SNTB2: variants seen among roughly 807,000 people sequenced by gnomAD.
The protein encoded by SNTB2 is syntrophin beta 2.
A neutral mutation model predicts 46.2 loss-of-function variants in SNTB2; 34 were observed. That is an observed-to-expected ratio of 0.74 (90% CI 0.56 to 0.98). SNTB2 has a LOEUF of 0.98. Among genes scored for constraint, SNTB2 ranks in the 50% least tolerant of loss-of-function variants. The pLI is 0.00. For missense variants in SNTB2, 603 were observed against 731.4 expected, an observed-to-expected ratio of 0.82 and a Z score of 2.02; for synonymous variants, 290 against 312.6, an observed-to-expected ratio of 0.93 and a Z score of 0.76.
At chr16:69,235,169 G>A in intron 1 of SNTB2, among the ~76,000 whole-genome samples, 1 of 151,412 alleles carries the variant, frequency 6.6e-6, no homozygotes, top group East Asian at 1.9e-4. Context: ...ACGCCACCAT[G>A]CCCAGCTAAT....
chr16:69,268,864 C>CAA (rs1183716323), intron 3 of SNTB2, among the ~76,000 whole-genome samples: 1 of 143,844 alleles, frequency 7.0e-6, no homozygotes, highest in African/African-American at 2.6e-5. Flanking sequence ...GACTCCATCT[C>CAA]AAAAAAAAAA....
intron 5 of SNTB2, among the ~76,000 whole-genome samples, chr16:69,295,085 T>C (rs1013545621): frequency 6.6e-6 from 1 of 152,010 alleles, no homozygotes; most frequent in Non-Finnish European, 1.5e-5. Flanking sequence ...CCTCCCAAAG[T>C]ACTAGGATTA....
At chr16:69,286,829 C>G (rs1051464372) in intron 5 of SNTB2, among the ~76,000 whole-genome samples, 27 of 152,056 alleles carry the variant, frequency 1.8e-4, no homozygotes, top group African/African-American at 5.5e-4. Context: ...AATGATCAAG[C>G]CTGTGAATAG....
At chr16:69,226,771 T>TCCTTCTG (rs1401584192) in intron 1 of SNTB2, among the ~76,000 whole-genome samples, 1 of 152,192 alleles carries the variant, frequency 6.6e-6, no homozygotes, top group Non-Finnish European at 1.5e-5. Flanking sequence ...GCTCAAGCAA[T>TCCTTCTG]CCTTCTGCCT....
At chr16:69,214,742 G>A (rs1217672285) in intron 1 of SNTB2, among the ~76,000 whole-genome samples, 1 of 148,580 alleles carries the variant, frequency 6.7e-6, no homozygotes, top group Non-Finnish European at 1.5e-5. Context: ...GGCCAGGCTG[G>A]TCTGGAACTC....
At chr16:69,299,367 C>T (rs1027255109) in intron 5 of SNTB2, among the ~76,000 whole-genome samples, 5 of 152,044 alleles carry the variant, frequency 3.3e-5, no homozygotes, top group Non-Finnish European at 4.4e-5. Context: ...GGTCTCAAAC[C>T]CCTGACTTTG....
intron 5 of SNTB2, among the ~76,000 whole-genome samples, chr16:69,291,323 G>C (rs749659977): frequency 6.6e-6 from 1 of 152,122 alleles, no homozygotes; most frequent in South Asian, 2.1e-4. Flanking sequence ...GGGCCCCCCA[G>C]AGCCCCAGAA....
At chr16:69,256,958 T>G (rs1313679822) in intron 2 of SNTB2, among the ~76,000 whole-genome samples, 2 of 152,086 alleles carry the variant, frequency 1.3e-5, no homozygotes, top group Non-Finnish European at 2.9e-5. Context: ...TCACTTGAGG[T>G]CAGGAGTTCG....
chr16:69,236,610 G>C (rs539679064), intron 1 of SNTB2, among the ~76,000 whole-genome samples: 1 of 151,432 alleles, frequency 6.6e-6, no homozygotes, highest in South Asian at 2.1e-4. Flanking sequence ...TTAATGCACT[G>C]AACTGTACAT....
chr16:69,215,744 C>G (rs1964340582), intron 1 of SNTB2, among the ~76,000 whole-genome samples: 1 of 152,106 alleles, frequency 6.6e-6, no homozygotes, highest in Non-Finnish European at 1.5e-5. Context: ...TGCGCTTTAT[C>G]TCATTAACCC....
chr16:69,217,628 G>C (rs919866725), intron 1 of SNTB2, among the ~76,000 whole-genome samples: 1 of 152,172 alleles, frequency 6.6e-6, no homozygotes, highest in African/African-American at 2.4e-5. Flanking sequence ...TGGCTGCTGA[G>C]TAATCTATAC....
intron 1 of SNTB2, among the ~76,000 whole-genome samples, chr16:69,218,423 C>CT (rs574555246): frequency 1.4e-3 from 208 of 145,062 alleles, no homozygotes; most frequent in African/African-American, 1.4e-3. Flanking sequence ...TCTTCTTCTT[C>CT]TTTTTTTTTT....
rs765065288 is a variant in SNTB2 at position 69,284,051 on chromosome 16, G to A, written c.1152G>A (p.Leu384=). The change falls in exon 5 of 7, where the codon TTG becomes TTA. Residue 384 remains leucine, a synonymous_variant. Transcript: ENST00000336278. ...CHSYPLVATR[L]VHSGSGCRSP... Reference sequence around the variant, plus strand: ...TCTGCTCTGTTTGTGGTCCTAGGTTGGTTCATTCTGGCTCCGGATGTCGAT... The same window carrying A: ...TCTGCTCTGTTTGTGGTCCTAGGTTAGTTCATTCTGGCTCCGGATGTCGAT... 6.2e-7 allele frequency: 1 copy of A among 1,610,152 alleles called. No individual in the cohort carries two copies.
intron 2 of SNTB2, among the ~76,000 whole-genome samples, chr16:69,258,632 G>C (rs1305465842): frequency 9.3e-6 from 1 of 107,288 alleles, no homozygotes; most frequent in African/African-American, 3.6e-5. Context: ...TTTTTTTTGA[G>C]AGGGAGTCTC....
rs560361593 is a variant in SNTB2, at chr16:69,301,775, A to G, written c.*851A>G. On this transcript the variant is annotated 3_prime_UTR_variant, in exon 7 of 7. Transcript: ENST00000336278. ...AGCCATTTTTTTTATTGCTTACCAA[A>G]TGTGCCTTTGGTTAGGGTTAGTGGA... 32 of 152,750 alleles carry G rather than the reference A, an allele frequency of 2.1e-4. No homozygotes were observed. The highest frequency in any genetic ancestry group is 1.7e-3 in the Admixed American group (26 of 15,296). The allele number at this position is 152,750 out of a possible 1,614,324, so 9.5% of individuals were successfully genotyped here. A position where few individuals can be genotyped will look rare whatever the true frequency, so the allele number is the denominator to read the frequency against.
chr16:69,293,759 A>G lies in SNTB2; in HGVS notation c.1346-5831A>G, dbSNP rs548448330. Among the ~76,000 whole-genome samples, 49 of 152,240 alleles carry G rather than the reference A, an allele frequency of 3.2e-4. 1 individual carries two copies. Among genetic ancestry groups the G allele is most frequent in the African/African-American group, 1.2e-3 (49 of 41,468 alleles). On this transcript the variant is annotated intron_variant, in intron 5 of 6. Coordinates refer to ENST00000336278, the MANE Select transcript of SNTB2 (RefSeq NM_006750.4). ...ACACAAGAGGTAGAAGTAGTAATCA[A>G]TCTTTTACAATTTCTAGGAAGGTGG...
chr16:69,199,053 T>C (rs1192273612), intron 1 of SNTB2, among the ~76,000 whole-genome samples: 1 of 151,952 alleles, frequency 6.6e-6, no homozygotes, highest in Non-Finnish European at 1.5e-5. Context: ...CACGCCACCA[T>C]GTCCAGCTAA....
intron 1 of SNTB2, among the ~76,000 whole-genome samples, chr16:69,203,168 C>T (rs1964181102): frequency 6.6e-6 from 1 of 151,926 alleles, no homozygotes; most frequent in Non-Finnish European, 1.5e-5. Flanking sequence ...CAGGCGCCCA[C>T]CACCACGCCT....
intron 1 of SNTB2, among the ~76,000 whole-genome samples, chr16:69,222,546 T>C (rs1964416007): frequency 6.8e-6 from 1 of 147,550 alleles, no homozygotes. Context: ...TAAGCTGAGA[T>C]CATGCCACTG....
Sources: gnomAD v4.1 joint callset for allele counts (sites outside exome capture counted in the v4.1 genomes callset) on GRCh38, gnomAD v4.1.1 for gene constraint, MANE v1.5 for transcripts, NCBI Gene and HGNC (gene_info 2026-07-23, HGNC 2026-07-21) for gene names.